Variants in SLCO3A1 observed in about 807,000 individuals in gnomAD.
The protein encoded by SLCO3A1 is PGE1 transporter.
In SLCO3A1, 27 loss-of-function variants were observed where a neutral mutation model predicts 63.1. The observed-to-expected ratio is 0.43, with a 90% confidence interval of 0.32 to 0.59. The LOEUF (loss-of-function observed/expected upper bound fraction) is 0.59. SLCO3A1 is among the 20% of genes least tolerant of loss of function. SLCO3A1 has a pLI of 0.09. For synonymous variants in SLCO3A1, 473 were observed against 409.9 expected (o/e 1.15, Z -1.86); for missense variants, 773 against 945.8 (o/e 0.82, Z 2.40).
intron 2 of SLCO3A1, among the ~76,000 whole-genome samples, chr15:91,924,297 T>C (rs1023519706): frequency 2.0e-5 from 3 of 152,174 alleles, no homozygotes; most frequent in Non-Finnish European, 4.4e-5. Context: ...CCAGATCTTC[T>C]GATTGTTAAG....
At chr15:92,097,821 A>G (rs1402663214) in intron 3 of SLCO3A1, 2 of 152,190 alleles carry the variant, frequency 1.3e-5, no homozygotes, top group African/African-American at 4.8e-5. Flanking sequence ...ATAGAATTCT[A>G]TAGTTGCCAG....
At chr15:91,857,625 C>A (rs925370392) in intron 1 of SLCO3A1, among the ~76,000 whole-genome samples, 3 of 152,152 alleles carry the variant, frequency 2.0e-5, no homozygotes, top group South Asian at 2.1e-4. Flanking sequence ...CATATGAGAA[C>A]TGCATGGGGA....
At chr15:91,980,074 T>A (rs2045965657) in intron 2 of SLCO3A1, among the ~76,000 whole-genome samples, 1 of 152,198 alleles carries the variant, frequency 6.6e-6, no homozygotes. Context: ...GAGGCTGGAT[T>A]TGCACATTTC....
intron 2 of SLCO3A1, among the ~76,000 whole-genome samples, chr15:91,974,265 G>A (rs796494310): frequency 4.9e-5 from 7 of 142,958 alleles, no homozygotes; most frequent in Admixed American, 1.4e-4. Context: ...TTTCATTATT[G>A]TTATTATTAT....
chr15:92,167,181 C>T (rs761085384), downstream of SLCO3A1, among the ~76,000 whole-genome samples: 5 of 152,330 alleles, frequency 3.3e-5, no homozygotes, highest in East Asian at 9.6e-4. Context: ...TGGTGCTATT[C>T]TTACCTGACT....
chr15:92,096,475 A>G (rs2047540428), intron 3 of SLCO3A1, among the ~76,000 whole-genome samples: 1 of 152,226 alleles, frequency 6.6e-6, no homozygotes, highest in African/African-American at 2.4e-5. Context: ...GTGCTGTCAC[A>G]TCTCTACCTT....
intron 4 of SLCO3A1, among the ~76,000 whole-genome samples, chr15:92,107,422 G>C (rs1276026215): frequency 6.6e-6 from 1 of 152,004 alleles, no homozygotes; most frequent in African/African-American, 2.4e-5. Flanking sequence ...TTTGCTATAC[G>C]AGCTTTTCCA....
downstream of SLCO3A1, chr15:92,165,904 T>A: frequency 2.0e-6 from 2 of 985,292 alleles, no homozygotes; most frequent in East Asian, 1.1e-4. Flanking sequence ...AGAAAGTGAA[T>A]GCTAGAGTTC....
chr15:92,024,033 T>G (rs2151473965), intron 2 of SLCO3A1, among the ~76,000 whole-genome samples: 1 of 152,312 alleles, frequency 6.6e-6, no homozygotes, highest in South Asian at 2.1e-4. Context: ...TTCCTCTGTC[T>G]TTTGTGCTTC....
chr15:91,994,485 G>T (rs2046166309), intron 2 of SLCO3A1, among the ~76,000 whole-genome samples: 1 of 152,172 alleles, frequency 6.6e-6, no homozygotes, highest in Non-Finnish European at 1.5e-5. Flanking sequence ...AATGAACTAA[G>T]CAGCCTGGCC....
intron 2 of SLCO3A1, among the ~76,000 whole-genome samples, chr15:92,007,592 G>A (rs1009981908): frequency 2.0e-5 from 3 of 152,176 alleles, no homozygotes; most frequent in African/African-American, 7.2e-5. Flanking sequence ...GCATAGGAAG[G>A]GAGGAGCAAG....
At chr15:91,896,061 G>C (rs892109416) in intron 1 of SLCO3A1, among the ~76,000 whole-genome samples, 1 of 152,162 alleles carries the variant, frequency 6.6e-6, no homozygotes, top group African/African-American at 2.4e-5. Context: ...CTCAATGTTT[G>C]TGTCTCCTAT....
At chr15:91,884,284 G>A (rs1403650213) in intron 1 of SLCO3A1, among the ~76,000 whole-genome samples, 2 of 152,112 alleles carry the variant, frequency 1.3e-5, no homozygotes, top group Non-Finnish European at 2.9e-5. Flanking sequence ...TGAGGTGGGT[G>A]GATCACCTGA....
At chr15:91,997,838 T>C (rs1244705972) in intron 2 of SLCO3A1, among the ~76,000 whole-genome samples, 1 of 152,160 alleles carries the variant, frequency 6.6e-6, no homozygotes, top group African/African-American at 2.4e-5. Flanking sequence ...CCCCTATCTT[T>C]CAACATATAC....
At chr15:92,154,282 T>G (rs1292880233) in intron 9 of SLCO3A1, among the ~76,000 whole-genome samples, 1 of 152,158 alleles carries the variant, frequency 6.6e-6, no homozygotes, top group African/African-American at 2.4e-5. Context: ...AAGAAAGTCT[T>G]GGGTAATGTG....
chr15:92,145,636 G>A (rs1454708664), intron 7 of SLCO3A1, among the ~76,000 whole-genome samples: 1 of 152,148 alleles, frequency 6.6e-6, no homozygotes, highest in African/African-American at 2.4e-5. Context: ...CAGTATCTGA[G>A]CTGGGTTTTG....
At position 92,103,658 on chromosome 15, in the gene SLCO3A1, C is replaced by T. The variant is rs534568507; in HGVS notation, c.746-621C>T. Among the ~76,000 whole-genome samples, 5 of 152,156 alleles carry T rather than the reference C, an allele frequency of 3.3e-5. No homozygotes were observed. In the South Asian group the frequency reaches 8.3e-4, roughly 25 times the overall value. On this transcript the variant is annotated intron_variant, in intron 3 of 9. Coordinates refer to ENST00000318445, the MANE Select transcript of SLCO3A1 (RefSeq NM_013272.4). ...CTGGTGTGGTCATTTGATCTTCCCACTAAGTACTGCCATCATCCTAGATGT... is the reference window on the plus strand; with the variant it reads ...CTGGTGTGGTCATTTGATCTTCCCATTAAGTACTGCCATCATCCTAGATGT...
At chr15:92,011,465 A>G (rs1442252037) in intron 2 of SLCO3A1, among the ~76,000 whole-genome samples, 3 of 151,852 alleles carry the variant, frequency 2.0e-5, no homozygotes, top group African/African-American at 7.2e-5. Context: ...ATGTACAATT[A>G]TTATATATCA....
chr15:91,992,351 C>T (rs1356533025), intron 2 of SLCO3A1, among the ~76,000 whole-genome samples: 1 of 152,198 alleles, frequency 6.6e-6, no homozygotes, highest in Non-Finnish European at 1.5e-5. Flanking sequence ...GCTTTCACTG[C>T]ACATTCATAC....
Sources: allele counts gnomAD v4.1 joint callset (sites outside exome capture counted in the v4.1 genomes callset), GRCh38; gene constraint gnomAD v4.1.1; transcripts MANE v1.5; gene names NCBI Gene and HGNC (gene_info 2026-07-23, HGNC 2026-07-21).